The following SLC30A9 variants were observed in gnomAD, a reference collection of about 807,000 sequenced individuals.
SLC30A9 encodes proton-coupled zinc antiporter SLC30A9, mitochondrial.
A neutral mutation model predicts 87.5 loss-of-function variants in SLC30A9; 58 were observed. That is an observed-to-expected ratio of 0.66 (90% CI 0.54 to 0.82). The LOEUF (loss-of-function observed/expected upper bound fraction) is 0.82, where lower values mean the gene tolerates loss of function less well. Among genes scored for constraint, SLC30A9 ranks in the 40% least tolerant of loss-of-function variants. The pLI, the probability that SLC30A9 is intolerant of heterozygous loss-of-function variation, is 0.00. For synonymous variants in SLC30A9, 234 were observed against 233.0 expected, an observed-to-expected ratio of 1.00 and a Z score of -0.04; for missense variants, 557 against 679.1, an observed-to-expected ratio of 0.82 and a Z score of 2.00.
At position 42,020,544 on chromosome 4, in the gene SLC30A9, G is replaced by A. The variant is rs760368217; in HGVS notation, c.434+29G>A. On this transcript the variant is annotated intron_variant, in intron 4 of 17. Coordinates refer to ENST00000264451, the MANE Select transcript of SLC30A9 (RefSeq NM_006345.4). ...ATTTTTTTAAAAAATGTAGCCGTGTGTCATATCTAAATAATCTAAATAACT... is the reference window on the plus strand; with the variant it reads ...ATTTTTTTAAAAAATGTAGCCGTGTATCATATCTAAATAATCTAAATAACT... 4 of 1,198,116 alleles carry A rather than the reference G, an allele frequency of 3.3e-6. No individual in the cohort carries two copies. The African/African-American group carries it at 5.9e-5, about 18-fold the overall frequency. 74.2% of individuals were successfully genotyped at this position (1,198,116 alleles called of 1,614,324 possible).
At chr4:42,010,606 A>C (rs2153134074) in intron 2 of SLC30A9, among the ~76,000 whole-genome samples, 1 of 152,348 alleles carries the variant, frequency 6.6e-6, no homozygotes, top group Admixed American at 6.5e-5. Context: ...CTTTTATTTC[A>C]AATAGGGCTT....
intron 15 of SLC30A9, among the ~76,000 whole-genome samples, chr4:42,075,148 A>G (rs905801917): frequency 3.1e-5 from 4 of 129,332 alleles, no homozygotes; most frequent in Non-Finnish European, 6.2e-5. Context: ...ATCTGGGTTC[A>G]CTGCAACCTC....
At chr4:42,027,077 C>T (rs1716223839) in intron 6 of SLC30A9, among the ~76,000 whole-genome samples, 1 of 152,186 alleles carries the variant, frequency 6.6e-6, no homozygotes, top group Non-Finnish European at 1.5e-5. Context: ...GTTACGGCAT[C>T]TGTCTTCAGT....
intron 2 of SLC30A9, among the ~76,000 whole-genome samples, chr4:42,009,121 T>A (rs1301381908): frequency 2.6e-5 from 4 of 152,234 alleles, no homozygotes; most frequent in African/African-American, 9.6e-5. Context: ...GTTCCACCAT[T>A]CAGAATCTTT....
intron 17 of SLC30A9, among the ~76,000 whole-genome samples, chr4:42,079,429 G>A (rs1318701400): frequency 1.3e-5 from 2 of 151,780 alleles, no homozygotes; most frequent in Non-Finnish European, 2.9e-5. Flanking sequence ...GAGTAGCTGG[G>A]ACTACAGGTG....
intron 2 of SLC30A9, among the ~76,000 whole-genome samples, chr4:42,007,901 CA>C (rs1715283281): frequency 6.6e-6 from 1 of 152,156 alleles, no homozygotes; most frequent in African/African-American, 2.4e-5. Flanking sequence ...TTTCACGTAA[CA>C]AGTGTGGTCT....
At position 42,053,654 on chromosome 4, in the gene SLC30A9, C is replaced by T. The variant is rs142975112; in HGVS notation, c.840+4175C>T. Among the ~76,000 whole-genome samples the T allele has an allele frequency of 7.2e-5, 9 of 125,404 alleles. No homozygotes were observed. In the East Asian group the frequency reaches 2.0e-3, roughly 27 times the overall value. The allele number at this position is 125,404 out of a possible 152,430, so 82.3% of individuals were successfully genotyped here. A position where few individuals can be genotyped will look rare whatever the true frequency, so the allele number is the denominator to read the frequency against. ...CAGTGAGCCAAGATCCGAGATTGCA[C>T]CACTGCACTCCAGCCTGGATGACAA... On this transcript the variant is annotated intron_variant, in intron 9 of 17. Coordinates refer to ENST00000264451, the MANE Select transcript of SLC30A9 (RefSeq NM_006345.4).
intron 7 of SLC30A9, among the ~76,000 whole-genome samples, chr4:42,036,994 G>C (rs976108480): frequency 6.6e-6 from 1 of 152,132 alleles, no homozygotes; most frequent in Non-Finnish European, 1.5e-5. Flanking sequence ...AGTAGCTGTT[G>C]ACTTATGAAA....
chr4:42,086,220 A>C lies in SLC30A9; in HGVS notation c.*94A>C. The C allele has an allele frequency of 4.5e-6, 3 of 664,704 alleles. No individual in the cohort carries two copies. Among genetic ancestry groups the C allele is most frequent in the Non-Finnish European group, 7.5e-6 (3 of 402,016 alleles). The allele number at this position is 664,704 out of a possible 1,614,324, so 41.2% of individuals were successfully genotyped here. On this transcript the variant is annotated 3_prime_UTR_variant, in exon 18 of 18. Coordinates refer to ENST00000264451, the MANE Select transcript of SLC30A9 (RefSeq NM_006345.4). ...CCTCCTCTCCTACACTGAAAGACTC[A>C]GTGCCATGCAGAAGCCTTTTTTTTA...
intron 11 of SLC30A9, 113 bp downstream of exon 11, chr4:42,063,234 T>G: frequency 2.2e-6 from 2 of 905,652 alleles, no homozygotes; most frequent in Non-Finnish European, 3.4e-6. Context: ...CCTTCTTGAC[T>G]GTGTATTGTA....
intron 2 of SLC30A9, among the ~76,000 whole-genome samples, chr4:42,014,430 G>A (rs1577684885): frequency 6.6e-6 from 1 of 152,042 alleles, no homozygotes; most frequent in African/African-American, 2.4e-5. Flanking sequence ...GGTGGCATGT[G>A]CCTGTAGTCC....
intron 17 of SLC30A9, among the ~76,000 whole-genome samples, chr4:42,084,763 G>A (rs1476929988): frequency 6.6e-6 from 1 of 152,340 alleles, no homozygotes; most frequent in Admixed American, 6.5e-5. Flanking sequence ...GAGCCACCGC[G>A]CCCGGCCAGG....
chr4:42,075,826 G>T, intron 16 of SLC30A9, 40 bp downstream of exon 16: 1 of 1,579,338 alleles, frequency 6.3e-7, no homozygotes, highest in Non-Finnish European at 8.6e-7. Flanking sequence ...CTGAGGGTTA[G>T]AAAAATGCTT....
chr4:42,038,560 C>T (rs1032967175), intron 7 of SLC30A9, among the ~76,000 whole-genome samples: 5 of 152,108 alleles, frequency 3.3e-5, no homozygotes, highest in Non-Finnish European at 5.9e-5. Context: ...GCTTACAAAT[C>T]GAAGTAAAAG....
chr4:42,012,738 T>C (rs1247292350), intron 2 of SLC30A9, among the ~76,000 whole-genome samples: 2 of 152,132 alleles, frequency 1.3e-5, no homozygotes, highest in Non-Finnish European at 2.9e-5. Context: ...CTCTCAAAGA[T>C]GAGAGTCATT....
Position 42,076,609 on chromosome 4 carries a change from A to G in SLC30A9, c.1548+823A>G, listed in dbSNP as rs1046745765. Among the ~76,000 whole-genome samples, 6 of 152,264 alleles carry G rather than the reference A, an allele frequency of 3.9e-5. No individual in the cohort carries two copies. In the South Asian group the frequency reaches 1.2e-3, roughly 32 times the overall value. Reference sequence around the variant, plus strand: ...TCATTGTTATAGAGCATTTCATCCTATGAATATGCTGTAATTTATTTATTT... The same window carrying G: ...TCATTGTTATAGAGCATTTCATCCTGTGAATATGCTGTAATTTATTTATTT... On this transcript the variant is annotated intron_variant, in intron 16 of 17. Coordinates refer to ENST00000264451, the MANE Select transcript of SLC30A9 (RefSeq NM_006345.4).
intron 2 of SLC30A9, among the ~76,000 whole-genome samples, chr4:42,003,823 G>A (rs549514856): frequency 3.2e-4 from 49 of 151,672 alleles, no homozygotes; most frequent in African/African-American, 1.0e-3. Context: ...TCATTTGAAA[G>A]TTTTAGACTC....
At chr4:41,997,082 G>T in intron 1 of SLC30A9, among the ~76,000 whole-genome samples, 1 of 116,932 alleles carries the variant, frequency 8.6e-6, no homozygotes, top group Middle Eastern at 4.5e-3. Flanking sequence ...AAGAAAAATA[G>T]AATTAAGCAA....
intron 6 of SLC30A9, among the ~76,000 whole-genome samples, chr4:42,030,725 G>T (rs1005070358): frequency 6.6e-6 from 1 of 151,944 alleles, no homozygotes; most frequent in Admixed American, 6.6e-5. Flanking sequence ...GATTTGTCAT[G>T]GGGGAACTGC....
Sources: allele counts gnomAD v4.1 joint callset (sites outside exome capture counted in the v4.1 genomes callset), GRCh38; gene constraint gnomAD v4.1.1; transcripts MANE v1.5; gene names NCBI Gene and HGNC (gene_info 2026-07-23, HGNC 2026-07-21).